CNOT3: variants seen among roughly 807,000 people sequenced by gnomAD.
The protein encoded by CNOT3 is CCR4-associated factor 3.
Under a neutral mutation model 89.4 loss-of-function variants are expected in CNOT3, and 2 were observed. The ratio of observed to expected loss-of-function variants is 0.02; its 90% CI spans 0.01 to 0.07. The LOEUF is 0.07. Ranked by LOEUF, CNOT3 falls within the 10% of genes least tolerant of loss-of-function variation. The pLI is 1.00. For synonymous variants in CNOT3, 486 were observed against 402.0 expected, an observed-to-expected ratio of 1.21 and a Z score of -2.50; for missense variants, 664 against 1,010.2, an observed-to-expected ratio of 0.66 and a Z score of 4.65.
At chr19:54,146,550 A>G (rs768770937) in intron 9 of CNOT3, 51 bp from the exon 10 acceptor site, 1 of 910,920 alleles carries the variant, frequency 1.1e-6, no homozygotes, top group East Asian at 2.4e-5. Context: ...GCGGTTCTCC[A>G]TCAGAGCCCC....
intron 10 of CNOT3, 151 bp from the exon 11 acceptor site, chr19:54,147,996 AG>A: frequency 4.0e-6 from 2 of 502,996 alleles, no homozygotes; most frequent in South Asian, 8.3e-5. Flanking sequence ...AGGGTGAGTA[AG>A]GTCACCCAGG....
chr19:54,153,868 C>A, intron 17 of CNOT3, 28 bp downstream of exon 17: 1 of 1,614,020 alleles, frequency 6.2e-7, no homozygotes, highest in Non-Finnish European at 8.5e-7. Context: ...TCTCTTCCCG[C>A]TGCTAGGGTT....
At position 54,148,311 on chromosome 19, in the gene CNOT3, T is replaced by C. The variant is rs2146642152; in HGVS notation, c.1058T>C (p.Leu353Pro). The change falls in exon 11 of 18, where the codon CTG (leucine) becomes CCG (proline). Residue 353 changes from leucine to proline, a missense_variant. Leu to Pro is a moderately conservative substitution (Grantham distance 98). Coordinates refer to ENST00000221232, the MANE Select transcript of CNOT3 (RefSeq NM_014516.4). The surrounding 1 kb of genome is among the most constrained non-coding windows in gnomAD (Gnocchi z 6.3). ...VPAPAAPPSA[L>P]GPKASPAPSH... ...GCCCCCGCAGCACCCCCAAGTGCCC[T>C]GGGCCCCAAGGCCAGTCCAGCTCCC... is the stretch of plus-strand genomic sequence containing the variant. 19 of 1,606,054 alleles carry C rather than the reference T, an allele frequency of 1.2e-5. No individual in the cohort carries two copies. Among genetic ancestry groups the C allele is most frequent in the Non-Finnish European group, 1.6e-5 (19 of 1,175,848 alleles).
Position 54,153,354 on chromosome 19 carries a change from G to GGA in CNOT3, c.2037+358_2038-357dup, listed in dbSNP as rs757151018. The GGA allele has an allele frequency of 3.9e-6, 3 of 762,578 alleles. No individual in the cohort carries two copies. The Admixed American group carries it at 5.1e-5, about 13-fold the overall frequency. 47.2% of individuals were successfully genotyped at this position (762,578 alleles called of 1,614,324 possible). ...CATTGGCACATTCTCAGGCCTCCCT[G>GGA]GAGACCACTGGGGAGCTGTCCAGCC... is the stretch of plus-strand genomic sequence containing the variant. On this transcript the variant is annotated intron_variant, in intron 16 of 17. Coordinates refer to ENST00000221232, the MANE Select transcript of CNOT3 (RefSeq NM_014516.4).
At position 54,155,504 on chromosome 19, in the gene CNOT3, C is replaced by T; in HGVS notation, c.*97C>T. 1 of 953,780 alleles carries T rather than the reference C, an allele frequency of 1.0e-6. No individual in the cohort carries two copies. Among genetic ancestry groups the T allele is most frequent in the South Asian group, 1.6e-5 (1 of 61,666 alleles). The allele number at this position is 953,780 out of a possible 1,614,324, so 59.1% of individuals were successfully genotyped here. A position where few individuals can be genotyped will look rare whatever the true frequency, so the allele number is the denominator to read the frequency against. On this transcript the variant is annotated 3_prime_UTR_variant, in exon 18 of 18. Transcript: ENST00000221232. ...TGGAAGACTGGAGGGAGGCCCCAAGCCACGGGGCATCCCCCTCTCCCAGGA... is the reference window on the plus strand; with the variant it reads ...TGGAAGACTGGAGGGAGGCCCCAAGTCACGGGGCATCCCCCTCTCCCAGGA...
intron 1 of CNOT3, chr19:54,142,637 TG>T (rs1436829397): frequency 1.6e-5 from 8 of 502,476 alleles, no homozygotes; most frequent in Middle Eastern, 1.1e-3. Context: ...GAGTGTATTC[TG>T]GGGAGAAGGT....
intron 13 of CNOT3, among the ~76,000 whole-genome samples, chr19:54,151,679 G>A (rs1170334995): frequency 1.3e-5 from 2 of 152,152 alleles, no homozygotes; most frequent in East Asian, 1.9e-4. Flanking sequence ...AATAGGAAAC[G>A]AGGCTGTGGC....
intron 1 of CNOT3, among the ~76,000 whole-genome samples, chr19:54,138,806 C>G: frequency 6.6e-6 from 1 of 152,312 alleles, no homozygotes; most frequent in Non-Finnish European, 1.5e-5. Context: ...CACTGGGCGC[C>G]TGCCTTTTTG....
chr19:54,142,367 G>C (rs1348286039), intron 1 of CNOT3: 3 of 154,128 alleles, frequency 1.9e-5, no homozygotes, highest in Non-Finnish European at 4.2e-5. Context: ...GCTCTTCACA[G>C]CTTTCGGCAT....
At chr19:54,150,996 G>A (rs145658477) in intron 13 of CNOT3, among the ~76,000 whole-genome samples, 1 of 152,168 alleles carries the variant, frequency 6.6e-6, no homozygotes, top group Non-Finnish European at 1.5e-5. Context: ...TTGCCATGTT[G>A]GTCAGGCAGG....
At chr19:54,153,188 A>G (rs2075225724) in intron 16 of CNOT3, 189 bp downstream of exon 16, 1 of 765,038 alleles carries the variant, frequency 1.3e-6, no homozygotes, top group East Asian at 2.4e-5. Context: ...CAGCCCAGAG[A>G]TGTTAGAACT....
At chr19:54,141,541 G>A (rs1302690804) in intron 1 of CNOT3, 1 of 152,194 alleles carries the variant, frequency 6.6e-6, no homozygotes, top group Admixed American at 6.5e-5. Flanking sequence ...CATTACACTT[G>A]CCACATTTCA....
At chr19:54,153,517 A>T (rs1568691263) in intron 16 of CNOT3, 198 bp from the exon 17 acceptor site, 1 of 778,152 alleles carries the variant, frequency 1.3e-6, no homozygotes, top group South Asian at 1.4e-5. Context: ...AGCAATTTTC[A>T]CCTCCTGTCT....
chr19:54,152,675 A>G, intron 15 of CNOT3, 49 bp downstream of exon 15: 1 of 1,478,592 alleles, frequency 6.8e-7, no homozygotes. Flanking sequence ...AGTCTTACGG[A>G]GGAGGCAGTG....
Position 54,155,398 on chromosome 19 carries a change from C to T in CNOT3, c.2253C>T (p.Asp751=), listed in dbSNP as rs1439653476. The change falls in exon 18 of 18, where the codon GAC becomes GAT. Residue 751 remains aspartate (D), a synonymous_variant. Coordinates refer to ENST00000221232, the MANE Select transcript of CNOT3 (RefSeq NM_014516.4). The part of the protein sequence containing the change: ...TFEYRYLEDR[D]LQ ...AGTACCGCTACCTGGAGGACCGGGA[C>T]CTCCAGTGACACCGGCCCCTCCCTC... 23 of 1,602,944 alleles carry T rather than the reference C, an allele frequency of 1.4e-5. No individual in the cohort carries two copies. In the East Asian group the frequency reaches 4.5e-4, roughly 31 times the overall value.
At position 54,152,206 on chromosome 19, in the gene CNOT3, G is replaced by T; in HGVS notation, c.1606-20G>T. 6 of 1,613,506 alleles carry T rather than the reference G, an allele frequency of 3.7e-6. No individual in the cohort carries two copies. The highest frequency in any genetic ancestry group is 1.7e-5 in the Admixed American group (1 of 60,014). On this transcript the variant is annotated intron_variant, in intron 13 of 17. Transcript: ENST00000221232. ...CCTGCAGCCCAAGTGCTCAGGCCAG[G>T]CCTCTTGTTTCCTCCCCAGGCCCCT...
chr19:54,138,277 C>A (rs1376615773), intron 1 of CNOT3, among the ~76,000 whole-genome samples: 1 of 152,152 alleles, frequency 6.6e-6, no homozygotes, highest in African/African-American at 2.4e-5. Context: ...CGCCTCCCCG[C>A]GTGGCATCGC....
At chr19:54,138,474 C>T (rs73613023) in intron 1 of CNOT3, among the ~76,000 whole-genome samples, 9,695 of 152,112 alleles carry the variant, frequency 0.064, 1,004 homozygotes, top group African/African-American at 0.22. Flanking sequence ...GGGCAGCCTC[C>T]GCGCCGGGGC....
intron 9 of CNOT3, among the ~76,000 whole-genome samples, chr19:54,146,373 A>G (rs1457647585): frequency 6.6e-6 from 1 of 152,188 alleles, no homozygotes; most frequent in Non-Finnish European, 1.5e-5. Flanking sequence ...GCAGGTTCCC[A>G]GATCCTTAAG....
Sources: allele counts gnomAD v4.1 joint callset (sites outside exome capture counted in the v4.1 genomes callset), GRCh38; gene constraint gnomAD v4.1.1; non-coding constraint Gnocchi (gnomAD v3.1); transcripts MANE v1.5; gene names NCBI Gene and HGNC (gene_info 2026-07-23, HGNC 2026-07-21).